Variants in HK2 observed in about 807,000 individuals in gnomAD.
HK2 encodes the protein hexokinase 2.
Under a neutral mutation model 92.9 loss-of-function variants are expected in HK2, and 42 were observed. That is an observed-to-expected ratio of 0.45 (90% CI 0.35 to 0.58). HK2 has a LOEUF of 0.58. HK2 is among the 20% of genes least tolerant of loss of function. HK2 has a pLI of 0.00. For missense variants in HK2, 978 were observed against 1,245.1 expected (o/e 0.79, Z 3.23); for synonymous variants, 422 against 468.0 (o/e 0.90, Z 1.27).
chr2:74,888,625 A>G (rs1689597411), intron 16 of HK2, among the ~76,000 whole-genome samples: 1 of 152,252 alleles, frequency 6.6e-6, no homozygotes, highest in South Asian at 2.1e-4. Flanking sequence ...AAGAACAGGA[A>G]CTAGACAACT....
At chr2:74,866,056 G>T (rs1434177746) in intron 2 of HK2, among the ~76,000 whole-genome samples, 1 of 152,112 alleles carries the variant, frequency 6.6e-6, no homozygotes, top group Non-Finnish European at 1.5e-5. Context: ...TCCAGAGCCA[G>T]TCTCCGTGTG....
chr2:74,854,002 C>A (rs1688633361), intron 1 of HK2, among the ~76,000 whole-genome samples: 1 of 152,108 alleles, frequency 6.6e-6, no homozygotes, highest in Non-Finnish European at 1.5e-5. Flanking sequence ...TTGTCACAGG[C>A]CTTCCGACTC....
chr2:74,881,991 A>G, intron 11 of HK2, 129 bp from the exon 12 acceptor site: 1 of 1,406,918 alleles, frequency 7.1e-7, no homozygotes, highest in East Asian at 2.3e-5. Context: ...CCTGGTCTTG[A>G]CTCAGGTTTG....
At chr2:74,864,898 T>G (rs534174770) in intron 2 of HK2, among the ~76,000 whole-genome samples, 1 of 152,350 alleles carries the variant, frequency 6.6e-6, no homozygotes, top group Admixed American at 6.5e-5. Context: ...AATCCTGTTC[T>G]ACAGGTGAGG....
intron 12 of HK2, among the ~76,000 whole-genome samples, chr2:74,885,083 T>TCAGC: frequency 6.6e-6 from 1 of 152,180 alleles, no homozygotes; most frequent in Non-Finnish European, 1.5e-5. Context: ...TAGGAAGAAG[T>TCAGC]TGCACAGCAG....
intron 1 of HK2, among the ~76,000 whole-genome samples, chr2:74,842,319 T>C (rs1464410913): frequency 8.5e-5 from 13 of 152,228 alleles, no homozygotes; most frequent in Admixed American, 7.9e-4. Flanking sequence ...AACCATTATG[T>C]TTTGCACTTT....
At chr2:74,852,481 A>C (rs1688594629) in intron 1 of HK2, among the ~76,000 whole-genome samples, 1 of 152,168 alleles carries the variant, frequency 6.6e-6, no homozygotes, top group Non-Finnish European at 1.5e-5. Flanking sequence ...GGGGAGCCTC[A>C]AATGTCCTTG....
intron 1 of HK2, among the ~76,000 whole-genome samples, chr2:74,850,731 A>G (rs991597815): frequency 1.1e-4 from 16 of 152,280 alleles, no homozygotes; most frequent in African/African-American, 3.6e-4. Context: ...TCATCTTTGT[A>G]TGGTGGCTGC....
At chr2:74,884,755 G>A (rs1348444220) in intron 12 of HK2, among the ~76,000 whole-genome samples, 1 of 152,178 alleles carries the variant, frequency 6.6e-6, no homozygotes, top group African/African-American at 2.4e-5. Flanking sequence ...CTTGTTTCCT[G>A]GTGGGCTGTG....
intron 1 of HK2, among the ~76,000 whole-genome samples, chr2:74,852,089 A>G (rs1335846571): frequency 1.3e-5 from 2 of 152,178 alleles, no homozygotes; most frequent in Admixed American, 1.3e-4. Flanking sequence ...CCTACCTCAG[A>G]GGGCTGTTCT....
chr2:74,877,766 C>T (rs186961954), intron 8 of HK2, among the ~76,000 whole-genome samples: 1 of 152,202 alleles, frequency 6.6e-6, no homozygotes, highest in Non-Finnish European at 1.5e-5. Context: ...GATATAGCTA[C>T]CCAATTAATT....
At chr2:74,851,159 C>T (rs941813783) in intron 1 of HK2, among the ~76,000 whole-genome samples, 2 of 152,244 alleles carry the variant, frequency 1.3e-5, no homozygotes, top group Admixed American at 6.5e-5. Context: ...GCTGTCCTGA[C>T]GGCCTGGCAG....
chr2:74,872,239 T>C, intron 3 of HK2, 61 bp from the exon 4 acceptor site: 1 of 1,585,900 alleles, frequency 6.3e-7, no homozygotes, highest in Non-Finnish European at 8.7e-7. Flanking sequence ...CTGAAGTGCA[T>C]GCCCTTAATC....
chr2:74,889,263 G>T lies in HK2; in HGVS notation c.2394G>T (p.Leu798=), dbSNP rs565200303. 5 of 1,614,032 alleles carry T rather than the reference G, an allele frequency of 3.1e-6. No homozygotes were observed. In the East Asian group the frequency reaches 1.1e-4, roughly 36 times the overall value. The part of the protein sequence containing the change: ...SQIESDCLAL[L]QVRAILQHLG... The stretch of plus-strand genomic sequence containing the variant: ...ACCCCAGTGACTGCCTGGCCCTGCT[G>T]CAAGTCCGAGCCATCCTGCAACACT... The change falls in exon 17 of 18, where the codon CTG becomes CTT. Residue 798 remains leucine, a synonymous_variant. Coordinates refer to ENST00000290573, the MANE Select transcript of HK2 (RefSeq NM_000189.5).
chr2:74,889,111 C>G (rs1371114121), intron 16 of HK2, 134 bp from the exon 17 acceptor site: 9 of 743,618 alleles, frequency 1.2e-5, no homozygotes, highest in Non-Finnish European at 1.9e-5. Flanking sequence ...GGAATGGGAA[C>G]CACCTCGAGG....
intron 2 of HK2, among the ~76,000 whole-genome samples, chr2:74,856,000 G>T (rs1688688726): frequency 6.6e-6 from 1 of 152,124 alleles, no homozygotes; most frequent in Non-Finnish European, 1.5e-5. Context: ...TGGGGGGTAG[G>T]TACTCACATC....
chr2:74,866,112 A>T (rs1688941975), intron 2 of HK2, among the ~76,000 whole-genome samples: 1 of 151,822 alleles, frequency 6.6e-6, no homozygotes. Context: ...CTGGTGGATG[A>T]TGTCTACCGT....
intron 1 of HK2, among the ~76,000 whole-genome samples, chr2:74,847,707 A>T (rs958859215): frequency 1.4e-5 from 2 of 145,554 alleles, no homozygotes; most frequent in Non-Finnish European, 3.1e-5. Flanking sequence ...TCTGTCTCTA[A>T]AGTTAAACAA....
intron 1 of HK2, among the ~76,000 whole-genome samples, chr2:74,852,861 C>G (rs1047270763): frequency 1.3e-5 from 2 of 152,178 alleles, no homozygotes; most frequent in African/African-American, 4.8e-5. Context: ...TACATAGAGC[C>G]TCTCCATTGT....
Sources: allele counts gnomAD v4.1 joint callset (sites outside exome capture counted in the v4.1 genomes callset), GRCh38; gene constraint gnomAD v4.1.1; transcripts MANE v1.5; gene names NCBI Gene and HGNC (gene_info 2026-07-23, HGNC 2026-07-21).